The following SUCLG2 variants were observed in gnomAD, a reference collection of about 807,000 sequenced individuals.
The protein encoded by SUCLG2 is succinate--CoA ligase [GDP-forming] subunit beta, mitochondrial.
A neutral mutation model predicts 47.9 loss-of-function variants in SUCLG2; 42 were observed. That is an observed-to-expected ratio of 0.88 (90% CI 0.69 to 1.14). The LOEUF (loss-of-function observed/expected upper bound fraction) is 1.14. Ranked by LOEUF, SUCLG2 falls within the 50% of genes most tolerant of loss-of-function variation. The probability of loss-of-function intolerance (pLI) is 0.00; values close to 1 mark genes in which losing one functional copy is unlikely to be tolerated. For synonymous variants in SUCLG2, 195 were observed against 197.3 expected (o/e 0.99, Z 0.10); for missense variants, 571 against 525.9 (o/e 1.09, Z -0.84).
intron 7 of SUCLG2, among the ~76,000 whole-genome samples, chr3:67,504,552 G>A (rs1289901890): frequency 6.6e-6 from 1 of 152,192 alleles, no homozygotes; most frequent in African/African-American, 2.4e-5. Context: ...ATGCCCCAAA[G>A]CAAGAATTCT....
intron 2 of SUCLG2, among the ~76,000 whole-genome samples, chr3:67,571,623 A>G (rs752579199): frequency 2.0e-5 from 3 of 152,246 alleles, no homozygotes; most frequent in Non-Finnish European, 4.4e-5. Context: ...ATATATTAGA[A>G]CAAGTTAGCA....
At position 67,654,515 on chromosome 3, in the gene SUCLG2, C is replaced by A; in HGVS notation, c.72G>T (p.Ala24=). The A allele has an allele frequency of 8.0e-7, 1 of 1,244,862 alleles. No individual in the cohort carries two copies. The allele number at this position is 1,244,862 out of a possible 1,614,324, so 77.1% of individuals were successfully genotyped here. ...CCCCCACGCTCACCTGGGACCCGGC[C>A]GCCAGGAAGCGGGGCCGCAGCGCTA... The part of the protein sequence containing the change: ...RALALRPRFL[A]AGSQAVQLTS... Residue 24 remains alanine (A), a synonymous_variant, in exon 1 of 11, where the codon GCG becomes GCT. Coordinates refer to ENST00000307227, the MANE Select transcript of SUCLG2 (RefSeq NM_003848.4).
intron 2 of SUCLG2, among the ~76,000 whole-genome samples, chr3:67,594,254 T>C (rs1216765667): frequency 6.6e-6 from 1 of 152,250 alleles, no homozygotes; most frequent in Admixed American, 6.5e-5. Context: ...AATCTTTTGG[T>C]AGCTTCCCAT....
chr3:67,511,811 CTTA>C (rs1705798950), intron 6 of SUCLG2, among the ~76,000 whole-genome samples: 1 of 144,680 alleles, frequency 6.9e-6, no homozygotes, highest in Non-Finnish European at 1.5e-5. Flanking sequence ...ATTTTGGTCC[CTTA>C]TTAATTTATA....
intron 9 of SUCLG2, among the ~76,000 whole-genome samples, chr3:67,486,471 A>G (rs1408221239): frequency 6.6e-6 from 1 of 152,232 alleles, no homozygotes; most frequent in African/African-American, 2.4e-5. Flanking sequence ...TCTTAGCGGA[A>G]AAACACAGTT....
At chr3:67,573,198 C>G (rs1707661757) in intron 2 of SUCLG2, among the ~76,000 whole-genome samples, 1 of 152,204 alleles carries the variant, frequency 6.6e-6, no homozygotes, top group South Asian at 2.1e-4. Context: ...TGTTCACAGA[C>G]TGGAAGATTC....
chr3:67,563,886 G>C (rs1170098211), intron 2 of SUCLG2, among the ~76,000 whole-genome samples: 1 of 150,168 alleles, frequency 6.7e-6, no homozygotes, highest in Non-Finnish European at 1.5e-5. Context: ...GCGTGAACCC[G>C]AGAGGCGAGC....
intron 9 of SUCLG2, among the ~76,000 whole-genome samples, chr3:67,409,437 T>C (rs1018499530): frequency 6.6e-6 from 1 of 152,180 alleles, no homozygotes; most frequent in Admixed American, 6.6e-5. Context: ...CTGGTAGGCA[T>C]GGTAACTCTG....
intron 10 of SUCLG2, among the ~76,000 whole-genome samples, chr3:67,369,317 T>C (rs1701919748): frequency 6.6e-6 from 1 of 152,200 alleles, no homozygotes; most frequent in Non-Finnish European, 1.5e-5. Context: ...GTGCCTTCGT[T>C]TTTCTGCCTT....
chr3:67,375,613 A>G lies in SUCLG2; in HGVS notation c.*131T>C, dbSNP rs1489809144. ...TTATTCCAGAAAACACAGATTTAAG[A>G]TTTTTCAGTGATTCTTGCCTTCCCC... is the stretch of plus-strand genomic sequence containing the variant. On this transcript the variant is annotated 3_prime_UTR_variant, in exon 11 of 11. Coordinates refer to ENST00000307227, the MANE Select transcript of SUCLG2 (RefSeq NM_003848.4). 1 of 1,436,246 alleles carries G rather than the reference A, an allele frequency of 7.0e-7. No individual in the cohort carries two copies. Among genetic ancestry groups the G allele is most frequent in the East Asian group, 2.5e-5 (1 of 39,624 alleles). The allele number at this position is 1,436,246 out of a possible 1,614,324, so 89.0% of individuals were successfully genotyped here. A position where few individuals can be genotyped will look rare whatever the true frequency, so the allele number is the denominator to read the frequency against.
In SUCLG2 at chr3:67,522,133, C is replaced by T. The variant is rs1706125648; in HGVS notation, c.418-1499G>A. Among the ~76,000 whole-genome samples the T allele has an allele frequency of 1.3e-5, 2 of 151,976 alleles. 1 individual carries two copies. The highest frequency in any genetic ancestry group is 1.3e-4 in the Admixed American group (2 of 15,270). On this transcript the variant is annotated intron_variant, in intron 4 of 10. Coordinates refer to ENST00000307227, the MANE Select transcript of SUCLG2 (RefSeq NM_003848.4). ...GCAATGGCACAATCGTGGCTCACTG[C>T]AGCCTTGACCTCCCAGGTTCAAACG...
At position 67,654,546 on chromosome 3, in the gene SUCLG2, C is replaced by A. The variant is rs778193951; in HGVS notation, c.41G>T (p.Arg14Leu). The A allele has an allele frequency of 9.5e-6, 12 of 1,267,826 alleles. No homozygotes were observed. The African/African-American group carries it at 1.7e-4, about 18-fold the overall frequency. The allele number at this position is 1,267,826 out of a possible 1,614,324, so 78.5% of individuals were successfully genotyped here. ...PVAAQAGKLL[R>L]ALALRPRFLA... is the part of the protein sequence containing the mutation. Reference sequence around the variant, plus strand: ...GAAGCGGGGCCGCAGCGCTAGGGCTCGCAGAAGCTTCCCGGCCTGCGCTGC... The same window carrying A: ...GAAGCGGGGCCGCAGCGCTAGGGCTAGCAGAAGCTTCCCGGCCTGCGCTGC... Residue 14 changes from arginine to leucine, a missense_variant, in exon 1 of 11, where the codon CGA becomes CTA. Physicochemically the swap from Arg to Leu is moderately radical, Grantham distance 102. Coordinates refer to ENST00000307227, the MANE Select transcript of SUCLG2 (RefSeq NM_003848.4).
In SUCLG2 at chr3:67,506,158, AT is replaced by A. The variant is rs1208637145; in HGVS notation, c.757+2648del. On this transcript the variant is annotated intron_variant, in intron 7 of 10. Transcript: ENST00000307227. The stretch of plus-strand genomic sequence containing the variant: ...ACTAACAAATACTCAGATTATAAAT[AT>A]TAAGATTATCAATATTGCTAAAATA... 2.0e-5 allele frequency among the ~76,000 whole-genome samples: 3 copies of A among 152,328 alleles called. No homozygotes were observed. The East Asian group carries it at 5.8e-4, about 29-fold the overall frequency.
chr3:67,422,562 T>C (rs1703192340), intron 9 of SUCLG2, among the ~76,000 whole-genome samples: 1 of 148,662 alleles, frequency 6.7e-6, no homozygotes, highest in African/African-American at 2.5e-5. Context: ...TGTTGAGATG[T>C]GGAGACAAAG....
chr3:67,436,672 G>A (rs1431138325), intron 9 of SUCLG2, among the ~76,000 whole-genome samples: 1 of 152,030 alleles, frequency 6.6e-6, no homozygotes, highest in Non-Finnish European at 1.5e-5. Flanking sequence ...CTTTTCATCA[G>A]CAAGTGTTAG....
rs1705394733 is a variant in SUCLG2, at chr3:67,498,041, T to A, written c.919+93A>T. The A allele has an allele frequency of 3.7e-6, 5 of 1,334,398 alleles. No individual in the cohort carries two copies. In the East Asian group the frequency reaches 1.2e-4, roughly 31 times the overall value. 82.7% of individuals were successfully genotyped at this position (1,334,398 alleles called of 1,614,324 possible). A position where few individuals can be genotyped will look rare whatever the true frequency, so the allele number is the denominator to read the frequency against. On this transcript the variant is annotated intron_variant, in intron 8 of 10. Coordinates refer to ENST00000307227, the MANE Select transcript of SUCLG2 (RefSeq NM_003848.4). ...TCAGCTACAAAAAAACTTATGTGCTTACTTCTTCTTGGTAAGTGACATTTC... is the reference window on the plus strand; with the variant it reads ...TCAGCTACAAAAAAACTTATGTGCTAACTTCTTCTTGGTAAGTGACATTTC...
At chr3:67,379,394 A>T (rs562939239) in intron 10 of SUCLG2, among the ~76,000 whole-genome samples, 3 of 152,050 alleles carry the variant, frequency 2.0e-5, no homozygotes, top group Non-Finnish European at 4.4e-5. Flanking sequence ...TCCATTTCAG[A>T]TCCTGCTCTT....
intron 10 of SUCLG2, among the ~76,000 whole-genome samples, chr3:67,377,535 C>A (rs1702060947): frequency 6.6e-6 from 1 of 152,202 alleles, no homozygotes. Flanking sequence ...AAAGGAATGT[C>A]ACATGGCCAT....
intron 9 of SUCLG2, among the ~76,000 whole-genome samples, chr3:67,434,367 A>T (rs993604333): frequency 6.6e-6 from 1 of 152,176 alleles, no homozygotes; most frequent in Non-Finnish European, 1.5e-5. Context: ...CTCTACAAAA[A>T]ATGAAAAACA....
Sources: allele counts gnomAD v4.1 joint callset (sites outside exome capture counted in the v4.1 genomes callset), GRCh38; gene constraint gnomAD v4.1.1; transcripts MANE v1.5; gene names NCBI Gene and HGNC (gene_info 2026-07-23, HGNC 2026-07-21).